Variants in MCC observed in about 807,000 individuals in gnomAD.
MCC encodes colorectal mutant cancer protein.
Under a neutral mutation model 116.2 loss-of-function variants are expected in MCC, and 90 were observed. The ratio of observed to expected loss-of-function variants is 0.77; its 90% CI spans 0.65 to 0.92. The LOEUF (loss-of-function observed/expected upper bound fraction) is 0.92, where lower values mean the gene tolerates loss of function less well. MCC is among the 40% of genes least tolerant of loss of function. The probability of loss-of-function intolerance (pLI) is 0.00; values close to 1 mark genes in which losing one functional copy is unlikely to be tolerated. For synonymous variants in MCC, 578 were observed against 510.5 expected, an observed-to-expected ratio of 1.13 and a Z score of -1.78; for missense variants, 1,516 against 1,312.2, an observed-to-expected ratio of 1.16 and a Z score of -2.40.
intron 3 of MCC, among the ~76,000 whole-genome samples, chr5:113,198,635 T>C (rs909496041): frequency 2.0e-5 from 3 of 147,956 alleles, no homozygotes; most frequent in African/African-American, 7.5e-5. Context: ...GCCTGGGAGG[T>C]TGAGGCTGTA....
At chr5:113,230,628 T>C (rs986317049) in intron 3 of MCC, among the ~76,000 whole-genome samples, 21 of 152,146 alleles carry the variant, frequency 1.4e-4, no homozygotes, top group Non-Finnish European at 3.1e-4. Context: ...GCAGTAAAAA[T>C]ATATTAACAT....
At chr5:113,174,465 T>C (rs985670372) in intron 3 of MCC, among the ~76,000 whole-genome samples, 3 of 152,100 alleles carry the variant, frequency 2.0e-5, no homozygotes, top group South Asian at 2.1e-4. Flanking sequence ...TAACAAAAAC[T>C]AAACGAACAC....
At chr5:113,467,224 A>G (rs1373906431) in intron 1 of MCC, among the ~76,000 whole-genome samples, 2 of 151,572 alleles carry the variant, frequency 1.3e-5, no homozygotes, top group African/African-American at 4.9e-5. Flanking sequence ...TTTTGTTGCC[A>G]TTGCTTTTGG....
chr5:113,259,263 T>C (rs1374419040), intron 3 of MCC, among the ~76,000 whole-genome samples: 5 of 152,218 alleles, frequency 3.3e-5, no homozygotes, highest in African/African-American at 1.2e-4. Context: ...ATTTGTGAGA[T>C]GCCCCATTGT....
intron 2 of MCC, among the ~76,000 whole-genome samples, chr5:113,371,420 G>A (rs549931082): frequency 8.2e-4 from 125 of 152,058 alleles, no homozygotes; most frequent in Admixed American, 2.0e-3. Context: ...TGTAATTCAA[G>A]GGCAAAATTT....
At chr5:113,220,057 C>CTCTTTTTTTT (rs1763483217) in intron 3 of MCC, among the ~76,000 whole-genome samples, 1 of 79,498 alleles carries the variant, frequency 1.3e-5, no homozygotes, top group Non-Finnish European at 3.5e-5. Context: ...ATGTCAATTT[C>CTCTTTTTTTT]TTTTTCTTTT....
chr5:113,423,012 G>A (rs907305684), intron 1 of MCC, among the ~76,000 whole-genome samples: 1 of 152,108 alleles, frequency 6.6e-6, no homozygotes, highest in African/African-American at 2.4e-5. Flanking sequence ...AATACTCATC[G>A]TGTTTTCCAC....
intron 8 of MCC, among the ~76,000 whole-genome samples, chr5:113,089,346 T>A (rs911618910): frequency 2.0e-5 from 3 of 152,200 alleles, no homozygotes; most frequent in African/African-American, 7.2e-5. Context: ...TCTGGAAGGT[T>A]CAAGTAGGGA....
At chr5:113,458,703 C>T (rs796098144) in intron 1 of MCC, among the ~76,000 whole-genome samples, 17 of 152,286 alleles carry the variant, frequency 1.1e-4, no homozygotes, top group African/African-American at 4.1e-4. Flanking sequence ...GAGCACTGGG[C>T]TACTGACCTG....
chr5:113,352,476 C>T (rs1183700226), intron 2 of MCC, among the ~76,000 whole-genome samples: 3 of 151,926 alleles, frequency 2.0e-5, no homozygotes, highest in African/African-American at 7.3e-5. Context: ...TTCTGCTTGC[C>T]TGCCCTCCAA....
rs371922065 is a variant in MCC at position 113,340,511 on chromosome 5, G to C, written c.627+8C>G. On this transcript the variant is annotated splice_region_variant and intron_variant, in intron 3 of 18. Transcript: ENST00000408903. ...AAATATGTATTCCATGAACCAAAAA[G>C]TACTCACTGTGTTGGCCAGCTCTAG... 2 of 1,612,936 alleles carry C rather than the reference G, an allele frequency of 1.2e-6. No individual in the cohort carries two copies. The highest frequency in any genetic ancestry group is 1.3e-5 in the African/African-American group (1 of 74,918).
At chr5:113,172,876 ATT>A (rs138398343) in intron 3 of MCC, among the ~76,000 whole-genome samples, 2 of 149,268 alleles carry the variant, frequency 1.3e-5, no homozygotes, top group African/African-American at 4.9e-5. Flanking sequence ...TATATCACAT[ATT>A]TTTTTTTTGC....
chr5:113,364,266 A>C (rs1375346958), intron 2 of MCC, among the ~76,000 whole-genome samples: 4 of 148,098 alleles, frequency 2.7e-5, no homozygotes, highest in Non-Finnish European at 6.0e-5. Flanking sequence ...AAAAACCAGA[A>C]AAAAAAAAAA....
chr5:113,139,633 G>T (rs1759057320), intron 5 of MCC, among the ~76,000 whole-genome samples: 1 of 152,208 alleles, frequency 6.6e-6, no homozygotes, highest in Non-Finnish European at 1.5e-5. Context: ...TGGAGAAACA[G>T]TAATGCTTTT....
At chr5:113,104,874 G>A (rs1756640737) in intron 6 of MCC, among the ~76,000 whole-genome samples, 2 of 152,150 alleles carry the variant, frequency 1.3e-5, no homozygotes, top group African/African-American at 4.8e-5. Context: ...CTCCACTGTT[G>A]CAATTTAATC....
At chr5:113,110,988 T>C (rs577832399) in intron 6 of MCC, among the ~76,000 whole-genome samples, 13 of 152,286 alleles carry the variant, frequency 8.5e-5, no homozygotes, top group African/African-American at 3.1e-4. Flanking sequence ...GCTCCTCTGC[T>C]CTGCCCGCCT....
chr5:113,125,485 T>A (rs1169623708), intron 5 of MCC, among the ~76,000 whole-genome samples: 1 of 152,184 alleles, frequency 6.6e-6, no homozygotes, highest in African/African-American at 2.4e-5. Context: ...CTGTTGTGTC[T>A]CCCACTGACT....
intron 3 of MCC, among the ~76,000 whole-genome samples, chr5:113,260,587 A>G (rs1379407724): frequency 6.6e-6 from 1 of 152,172 alleles, no homozygotes; most frequent in Non-Finnish European, 1.5e-5. Context: ...AGTTAATTAC[A>G]ATATGGAATA....
At chr5:113,194,069 A>C (rs924192287) in intron 3 of MCC, among the ~76,000 whole-genome samples, 9 of 152,274 alleles carry the variant, frequency 5.9e-5, no homozygotes. Context: ...ACTTGGGAAA[A>C]ATTACGCAGG....
Sources: gnomAD v4.1 joint callset for allele counts (sites outside exome capture counted in the v4.1 genomes callset) on GRCh38, gnomAD v4.1.1 for gene constraint, MANE v1.5 for transcripts, NCBI Gene and HGNC (gene_info 2026-07-23, HGNC 2026-07-21) for gene names.